Variants in CDH18 observed in about 807,000 individuals in gnomAD.
CDH18 encodes the protein cadherin 18, also known as cadherin-18.
A neutral mutation model predicts 67.9 loss-of-function variants in CDH18; 31 were observed. The ratio of observed to expected loss-of-function variants is 0.46; its 90% CI spans 0.34 to 0.62. The LOEUF is 0.62. Among genes scored for constraint, CDH18 ranks in the 20% least tolerant of loss-of-function variants. The pLI, the probability that CDH18 is intolerant of heterozygous loss-of-function variation, is 0.01. For synonymous variants in CDH18, 362 were observed against 347.2 expected, an observed-to-expected ratio of 1.04 and a Z score of -0.48; for missense variants, 890 against 975.5, an observed-to-expected ratio of 0.91 and a Z score of 1.17.
At chr5:20,300,412 A>T (rs1747883324) in intron 1 of CDH18, among the ~76,000 whole-genome samples, 1 of 151,894 alleles carries the variant, frequency 6.6e-6, no homozygotes, top group Non-Finnish European at 1.5e-5. Flanking sequence ...CATTAACAAG[A>T]CCAGGATGTA....
At chr5:19,560,853 T>C (rs538569261) in intron 8 of CDH18, among the ~76,000 whole-genome samples, 52 of 151,670 alleles carry the variant, frequency 3.4e-4, no homozygotes, top group South Asian at 1.2e-3. Context: ...CTAAGGACAG[T>C]AATAGATAAT....
intron 2 of CDH18, among the ~76,000 whole-genome samples, chr5:20,015,424 C>T (rs970198561): frequency 3.3e-5 from 5 of 151,990 alleles, no homozygotes; most frequent in African/African-American, 1.2e-4. Flanking sequence ...CTCAGAGCAG[C>T]GGTTATGCAT....
At chr5:20,540,035 G>A (rs996343674) in intron 1 of CDH18, among the ~76,000 whole-genome samples, 6 of 152,020 alleles carry the variant, frequency 3.9e-5, no homozygotes, top group Non-Finnish European at 7.4e-5. Context: ...AACTTTTAGT[G>A]TCTGAATTAG....
chr5:19,912,164 T>C (rs1043044200), intron 2 of CDH18, among the ~76,000 whole-genome samples: 1 of 149,174 alleles, frequency 6.7e-6, no homozygotes, highest in Non-Finnish European at 1.5e-5. Flanking sequence ...ATGAATTGTT[T>C]AGCTATTAAC....
rs774396694 is a variant in CDH18, at chr5:20,555,408, C to CTT, written c.-580+20052_-580+20053dup. Among the ~76,000 whole-genome samples the CTT allele has an allele frequency of 1.7e-3, 179 of 103,624 alleles. 4 individuals are homozygous for CTT. Among genetic ancestry groups the CTT allele is most frequent in the African/African-American group, 2.1e-3 (52 of 24,362 alleles). The allele number at this position is 103,624 out of a possible 152,430, so 68.0% of individuals were successfully genotyped here. A position where few individuals can be genotyped will look rare whatever the true frequency, so the allele number is the denominator to read the frequency against. On this transcript the variant is annotated intron_variant, in intron 1 of 14. Coordinates refer to the CDH18 transcript ENST00000507958. ...GCCAGAACCACCAAGACAAGCTTTTCTTTTTTTTTTTTTTTTTTTTTTTTT... is the reference window on the plus strand; with the variant it reads ...GCCAGAACCACCAAGACAAGCTTTTCTTTTTTTTTTTTTTTTTTTTTTTTTTT...
chr5:20,318,898 C>CT (rs796861659), intron 1 of CDH18, among the ~76,000 whole-genome samples: 47 of 152,212 alleles, frequency 3.1e-4, no homozygotes, highest in African/African-American at 1.1e-3. Flanking sequence ...TGAGAACAAA[C>CT]TAATTCAGCA....
chr5:20,134,411 C>T lies in CDH18; in HGVS notation c.-518+121033G>A, dbSNP rs535398999. Among the ~76,000 whole-genome samples, 602 of 152,292 alleles carry T rather than the reference C, an allele frequency of 4.0e-3. 3 individuals are homozygous for T. The highest frequency in any genetic ancestry group is 6.2e-3 in the Non-Finnish European group (424 of 68,026). On this transcript the variant is annotated intron_variant, in intron 2 of 14. Coordinates refer to the CDH18 transcript ENST00000507958. Reference sequence around the variant, plus strand: ...TATTTTCTAAGCTGTGTCTAGTCTACTTATTAAGCAGTTCTCATTTCTGTC... The same window carrying T: ...TATTTTCTAAGCTGTGTCTAGTCTATTTATTAAGCAGTTCTCATTTCTGTC...
intron 1 of CDH18, among the ~76,000 whole-genome samples, chr5:20,538,982 G>C (rs1357570119): frequency 7.3e-6 from 1 of 137,378 alleles, no homozygotes; most frequent in East Asian, 2.3e-4. Context: ...TCTGCCTCCT[G>C]GGTTCAAGCA....
At chr5:20,326,741 C>G (rs144402484) in intron 1 of CDH18, among the ~76,000 whole-genome samples, 95 of 152,148 alleles carry the variant, frequency 6.2e-4, no homozygotes, top group African/African-American at 2.1e-3. Flanking sequence ...CAGGGTTTCA[C>G]CATGTTAGCC....
chr5:20,304,402 A>G (rs2149974617), intron 1 of CDH18: 1 of 1,408,244 alleles, frequency 7.1e-7, no homozygotes, highest in South Asian at 1.2e-5. Flanking sequence ...CTTTTACTTC[A>G]GTAACTACTA....
At chr5:19,821,364 A>C (rs1338253628) in intron 3 of CDH18, among the ~76,000 whole-genome samples, 1 of 151,872 alleles carries the variant, frequency 6.6e-6, no homozygotes, top group Non-Finnish European at 1.5e-5. Context: ...GAGCTCAGAG[A>C]CTGGTCCTTC....
intron 5 of CDH18, among the ~76,000 whole-genome samples, chr5:19,621,239 A>G (rs1397283306): frequency 7.4e-6 from 1 of 135,440 alleles, no homozygotes; most frequent in Non-Finnish European, 1.6e-5. Flanking sequence ...TTTTGGATGT[A>G]GAAATTGATG....
Position 19,888,485 on chromosome 5 carries a change from A to T in CDH18, c.-256-49243T>A, listed in dbSNP as rs539049646. Among the ~76,000 whole-genome samples the T allele has an allele frequency of 2.0e-5, 3 of 152,156 alleles. No homozygotes were observed. In the East Asian group the frequency reaches 5.8e-4, roughly 29 times the overall value. On this transcript the variant is annotated intron_variant, in intron 2 of 12. Transcript: ENST00000382275. Reference sequence around the variant, plus strand: ...TTTCTGATACTCACACACCACACATATATATGGTGTGTTAAATTTATAAAT... The same window carrying T: ...TTTCTGATACTCACACACCACACATTTATATGGTGTGTTAAATTTATAAAT...
chr5:19,489,812 T>G (rs1383530372), intron 11 of CDH18, among the ~76,000 whole-genome samples: 1 of 152,180 alleles, frequency 6.6e-6, no homozygotes, highest in Non-Finnish European at 1.5e-5. Context: ...TTGAAGAATA[T>G]CAGGAAATGT....
chr5:19,755,319 C>T (rs1269724902), intron 3 of CDH18, among the ~76,000 whole-genome samples: 2 of 148,248 alleles, frequency 1.3e-5, no homozygotes, highest in African/African-American at 2.4e-5. Context: ...CAAATAACCT[C>T]GGTAAGAAAT....
intron 2 of CDH18, among the ~76,000 whole-genome samples, chr5:20,232,921 G>T (rs1169263895): frequency 1.3e-5 from 2 of 151,786 alleles, no homozygotes; most frequent in Admixed American, 6.6e-5. Flanking sequence ...TATTTTACAG[G>T]TATGTAATTG....
At chr5:19,811,092 A>AAG (rs1299710616) in intron 3 of CDH18, among the ~76,000 whole-genome samples, 1 of 38,422 alleles carries the variant, frequency 2.6e-5, no homozygotes, top group Non-Finnish European at 5.0e-5. Flanking sequence ...GAAAGAAAGA[A>AAG]AGAAAGAAAG....
chr5:20,283,485 G>A (rs1020288548), intron 1 of CDH18, among the ~76,000 whole-genome samples: 2 of 151,786 alleles, frequency 1.3e-5, no homozygotes, highest in Admixed American at 6.6e-5. Flanking sequence ...AATGGAAAAC[G>A]GGTATATGAA....
chr5:20,354,735 T>C (rs906806768), intron 1 of CDH18, among the ~76,000 whole-genome samples: 2 of 152,106 alleles, frequency 1.3e-5, no homozygotes, highest in Non-Finnish European at 2.9e-5. Context: ...TTTCAATCCA[T>C]CCTTCAGCAA....
Sources: allele counts gnomAD v4.1 joint callset (sites outside exome capture counted in the v4.1 genomes callset), GRCh38; gene constraint gnomAD v4.1.1; transcripts MANE v1.5; gene names NCBI Gene and HGNC (gene_info 2026-07-23, HGNC 2026-07-21).